Variants in EIF3H observed in about 807,000 individuals in gnomAD.
The protein encoded by EIF3H is eukaryotic translation initiation factor 3 subunit H, also known as eIF-3-gamma.
Under a neutral mutation model 44.2 loss-of-function variants are expected in EIF3H, and 26 were observed. The observed-to-expected ratio is 0.59, with a 90% CI of 0.43 to 0.82. EIF3H has a LOEUF of 0.82. Ranked by LOEUF, EIF3H falls within the 40% of genes least tolerant of loss-of-function variation. EIF3H has a pLI of 0.00. For missense variants in EIF3H, 359 were observed against 432.8 expected, an observed-to-expected ratio of 0.83 and a Z score of 1.51; for synonymous variants, 166 against 151.9, an observed-to-expected ratio of 1.09 and a Z score of -0.68.
chr8:116,696,140 G>A (rs1814265632), intron 2 of EIF3H, among the ~76,000 whole-genome samples: 1 of 152,168 alleles, frequency 6.6e-6, no homozygotes, highest in Non-Finnish European at 1.5e-5. Flanking sequence ...TCTCTTGGAC[G>A]ATCTAGGGCT....
chr8:116,681,469 C>T (rs925595681), intron 2 of EIF3H, among the ~76,000 whole-genome samples: 2 of 151,900 alleles, frequency 1.3e-5, no homozygotes, highest in South Asian at 2.1e-4. Context: ...GAGTTCAAGA[C>T]CAGCCTGACC....
At chr8:116,742,287 G>A (rs1447894983) in intron 1 of EIF3H, among the ~76,000 whole-genome samples, 1 of 152,146 alleles carries the variant, frequency 6.6e-6, no homozygotes, top group Non-Finnish European at 1.5e-5. Context: ...AGAGAAGATA[G>A]AGGATTTAGC....
chr8:116,645,000 CT>C lies in EIF3H; in HGVS notation c.*5del. 1 of 1,612,160 alleles carries C rather than the reference CT, an allele frequency of 6.2e-7. No individual in the cohort carries two copies. The highest frequency in any genetic ancestry group is 8.5e-7 in the Non-Finnish European group (1 of 1,178,580). On this transcript the variant is annotated 3_prime_UTR_variant, in exon 8 of 8. Coordinates refer to ENST00000521861, the MANE Select transcript of EIF3H (RefSeq NM_003756.3). ...TGTTAACTTCTTTTCTGGAAACTTC[CT>C]TTTCTTAGTTGTTGTATTCTTGAAG...
intron 1 of EIF3H, among the ~76,000 whole-genome samples, chr8:116,754,938 T>C (rs1376197867): frequency 6.6e-6 from 1 of 152,230 alleles, no homozygotes; most frequent in Non-Finnish European, 1.5e-5. Context: ...AGGATGCTTT[T>C]TAAAAAGAGG....
intron 2 of EIF3H, among the ~76,000 whole-genome samples, chr8:116,687,620 T>C (rs1163660953): frequency 6.6e-6 from 1 of 152,168 alleles, no homozygotes; most frequent in Non-Finnish European, 1.5e-5. Context: ...TTTGTTTAAT[T>C]TGGGGCATTT....
chr8:116,646,522 G>GT lies in EIF3H; in HGVS notation c.909dup (p.Leu304ThrfsTer60), dbSNP rs1813302963. On this transcript the variant is annotated frameshift_variant, in exon 7 of 8. Transcript: ENST00000521861. LOFTEE classifies it high-confidence loss of function. ...GCAGGCGGCTGTGGTGGTTTGAAGA[G>GT]TTTGGACAGGTCCTCCTCAGGGAGC... The GT allele has an allele frequency of 6.2e-7, 1 of 1,614,100 alleles. No individual in the cohort carries two copies. The highest frequency in any genetic ancestry group is 8.5e-7 in the Non-Finnish European group (1 of 1,180,040).
chr8:116,745,496 CT>C (rs1384515356), intron 1 of EIF3H, among the ~76,000 whole-genome samples: 49 of 152,202 alleles, frequency 3.2e-4, no homozygotes, highest in African/African-American at 1.1e-3. Context: ...ATTGTCATCA[CT>C]AGCATATATG....
chr8:116,681,189 C>T (rs1813983188), intron 2 of EIF3H, among the ~76,000 whole-genome samples: 1 of 151,964 alleles, frequency 6.6e-6, no homozygotes, highest in Non-Finnish European at 1.5e-5. Flanking sequence ...ATGGTAAAAC[C>T]CTGTCTCTAC....
intron 1 of EIF3H, among the ~76,000 whole-genome samples, chr8:116,750,848 A>C (rs1815324757): frequency 6.6e-6 from 1 of 152,218 alleles, no homozygotes; most frequent in Non-Finnish European, 1.5e-5. Context: ...CCTTCAATTC[A>C]ATGGAAAGTC....
intron 1 of EIF3H, among the ~76,000 whole-genome samples, chr8:116,729,075 T>C (rs1814907636): frequency 6.6e-6 from 1 of 152,216 alleles, no homozygotes; most frequent in Admixed American, 6.5e-5. Context: ...TAAAGAGTTA[T>C]TACAAACACA....
At chr8:116,705,465 GT>G in intron 2 of EIF3H, among the ~76,000 whole-genome samples, 1 of 149,438 alleles carries the variant, frequency 6.7e-6, no homozygotes, top group African/African-American at 2.5e-5. Flanking sequence ...AGCATCACCA[GT>G]GATGCCATGT....
intron 2 of EIF3H, among the ~76,000 whole-genome samples, chr8:116,678,975 C>T (rs1485120604): frequency 7.8e-4 from 64 of 82,266 alleles, no homozygotes; most frequent in Non-Finnish European, 1.7e-3. Flanking sequence ...CCAGTCGCCC[C>T]GTCCAGGAGG....
intron 1 of EIF3H, among the ~76,000 whole-genome samples, chr8:116,746,071 T>C (rs1255202097): frequency 1.3e-5 from 2 of 152,214 alleles, no homozygotes; most frequent in Non-Finnish European, 2.9e-5. Flanking sequence ...TATCTTAATA[T>C]GTGAACTCAG....
intron 1 of EIF3H, among the ~76,000 whole-genome samples, chr8:116,728,421 T>A (rs932142197): frequency 5.3e-5 from 8 of 152,014 alleles, no homozygotes; most frequent in Non-Finnish European, 1.2e-4. Flanking sequence ...TAAAAGTAGG[T>A]TTTTAAACCT....
At position 116,715,083 on chromosome 8, in the gene EIF3H, C is replaced by T. The variant is rs369453655; in HGVS notation, c.289+10933G>A. On this transcript the variant is annotated intron_variant, in intron 2 of 7. Coordinates refer to ENST00000521861, the MANE Select transcript of EIF3H (RefSeq NM_003756.3). Reference sequence around the variant, plus strand: ...ACTGCAAATAACATCACCATACAAACTTATTCTCTCCAACCTCAGTCACAC... The same window carrying T: ...ACTGCAAATAACATCACCATACAAATTTATTCTCTCCAACCTCAGTCACAC... Among the ~76,000 whole-genome samples, 7 of 152,152 alleles carry T rather than the reference C, an allele frequency of 4.6e-5. No individual in the cohort carries two copies. In the East Asian group the frequency reaches 1.4e-3, roughly 29 times the overall value.
intron 1 of EIF3H, among the ~76,000 whole-genome samples, chr8:116,740,588 C>T (rs1815112412): frequency 1.3e-5 from 2 of 152,088 alleles, no homozygotes; most frequent in Admixed American, 1.3e-4. Context: ...CCAGATGAAA[C>T]CCCAACATTC....
rs12545964 is a variant in EIF3H at position 116,644,250 on chromosome 8, C to T, written c.*756G>A. ...ACTAAAAATACAAAAATTAGCCAGG[C>T]GTGATGGCACACGCCTGTAGTCCCA... is the stretch of plus-strand genomic sequence containing the variant. On this transcript the variant is annotated 3_prime_UTR_variant, in exon 8 of 8. Transcript: ENST00000521861. The T allele has an allele frequency of 0.1, 15,762 of 152,154 alleles. 1,204 individuals carry two copies. The highest frequency in any genetic ancestry group is 0.2 in the African/African-American group (8,449 of 41,430). The allele number at this position is 152,154 out of a possible 1,614,324, so 9.4% of individuals were successfully genotyped here.
At chr8:116,721,221 A>G (rs1364793671) in intron 2 of EIF3H, among the ~76,000 whole-genome samples, 2 of 152,178 alleles carry the variant, frequency 1.3e-5, no homozygotes, top group African/African-American at 2.4e-5. Flanking sequence ...GAGCCAAGAT[A>G]CAGCTTGGGC....
chr8:116,654,548 G>A (rs1813456464), intron 5 of EIF3H, among the ~76,000 whole-genome samples: 1 of 152,148 alleles, frequency 6.6e-6, no homozygotes, highest in Admixed American at 6.5e-5. Context: ...TTAGCTAAAT[G>A]CTTTAAATAC....
Sources: gnomAD v4.1 joint callset for allele counts (sites outside exome capture counted in the v4.1 genomes callset) on GRCh38, gnomAD v4.1.1 for gene constraint, MANE v1.5 for transcripts, NCBI Gene and HGNC (gene_info 2026-07-23, HGNC 2026-07-21) for gene names.